Variants in CERS5 observed in about 807,000 individuals in gnomAD.
CERS5 encodes LAG1 homolog, ceramide synthase 5.
A neutral mutation model predicts 58.9 loss-of-function variants in CERS5; 37 were observed. The observed-to-expected ratio is 0.63, with a 90% confidence interval of 0.48 to 0.83. CERS5 has a LOEUF of 0.83. Among genes scored for constraint, CERS5 ranks in the 40% least tolerant of loss-of-function variants. CERS5 has a pLI of 0.00. For synonymous variants in CERS5, 147 were observed against 177.8 expected, an observed-to-expected ratio of 0.83 and a Z score of 1.38; for missense variants, 398 against 489.3, an observed-to-expected ratio of 0.81 and a Z score of 1.76.
Position 50,167,148 on chromosome 12 carries a change from CACCGAGAGGATGTGCCGGCCGCGGGGGTA to C in CERS5, c.121_149del (p.Tyr41ValfsTer43). The C allele has an allele frequency of 6.3e-7, 1 of 1,591,400 alleles. No individual in the cohort carries two copies. Among genetic ancestry groups the C allele is most frequent in the Non-Finnish European group, 8.5e-7 (1 of 1,172,398 alleles). On this transcript the variant is annotated frameshift_variant, in exon 1 of 10. Coordinates refer to ENST00000317551, the MANE Select transcript of CERS5 (RefSeq NM_147190.5). LOFTEE classifies it high-confidence loss of function. ...AGAAGATGCCCGCCGCCAGCGGGAA[CACCGAGAGGATGTGCCGGCCGCGGGGGTA>C]ACCGTAGCCGTCGGCCGGCCCCTCC... is the stretch of plus-strand genomic sequence containing the variant.
intron 2 of CERS5, 83 bp from the exon 3 acceptor site, chr12:50,143,287 T>C (rs1952079857): frequency 1.3e-6 from 2 of 1,522,602 alleles, no homozygotes; most frequent in Non-Finnish European, 1.8e-6. Flanking sequence ...CGACAAGGTA[T>C]GATAGCCATA....
intron 1 of CERS5, among the ~76,000 whole-genome samples, chr12:50,150,262 G>T (rs1937809749): frequency 6.6e-6 from 1 of 152,226 alleles, no homozygotes; most frequent in African/African-American, 2.4e-5. Flanking sequence ...TGCGGAGGCT[G>T]AGGCAGGAGG....
At chr12:50,136,403 G>A (rs572676474) in intron 6 of CERS5, among the ~76,000 whole-genome samples, 2 of 152,108 alleles carry the variant, frequency 1.3e-5, no homozygotes, top group East Asian at 1.9e-4. Flanking sequence ...AACCTGGGAG[G>A]TAGAGGTTGC....
In CERS5 at chr12:50,140,284, A is replaced by ATTTTTTTTTTTTTTTTTTTTTT. The variant is rs57651378; in HGVS notation, c.493-1689_493-1668dup. Among the ~76,000 whole-genome samples the ATTTTTTTTTTTTTTTTTTTTTT allele has an allele frequency of 4.8e-4, 46 of 96,250 alleles. 3 individuals carry two copies. The highest frequency in any genetic ancestry group is 2.1e-3 in the African/African-American group (46 of 22,354). The allele number at this position is 96,250 out of a possible 152,430, so 63.1% of individuals were successfully genotyped here. On this transcript the variant is annotated intron_variant, in intron 4 of 9. Transcript: ENST00000317551. ...TTGAGAAGAGTTGTTTAACTTCCAA[A>ATTTTTTTTTTTTTTTTTTTTTT]TTTTTTTTTTTTTTTTTTTTTTTTT...
At chr12:50,153,976 A>G (rs1420271459) in intron 1 of CERS5, 16 of 307,630 alleles carry the variant, frequency 5.2e-5, no homozygotes, top group Non-Finnish European at 9.9e-5. Flanking sequence ...AACAAAACAC[A>G]ATGAACATAG....
intron 1 of CERS5, among the ~76,000 whole-genome samples, chr12:50,158,804 A>C (rs1175932714): frequency 6.6e-6 from 1 of 152,226 alleles, no homozygotes; most frequent in Non-Finnish European, 1.5e-5. Flanking sequence ...GACAATACCC[A>C]AAAACTAAAA....
chr12:50,167,341 C>T lies in CERS5; in HGVS notation c.-44G>A. On this transcript the variant is annotated 5_prime_UTR_variant, in exon 1 of 10. Coordinates refer to ENST00000317551, the MANE Select transcript of CERS5 (RefSeq NM_147190.5). Reference sequence around the variant, plus strand: ...CCACCGCCGCCACAAGCGTCAGCTGCCGCCACAGCCAACGGAACCCGCGGG... The same window carrying T: ...CCACCGCCGCCACAAGCGTCAGCTGTCGCCACAGCCAACGGAACCCGCGGG... The T allele has an allele frequency of 2.7e-6, 4 of 1,461,906 alleles. No homozygotes were observed. The highest frequency in any genetic ancestry group is 2.0e-4 in the Middle Eastern group (1 of 4,892). The allele number at this position is 1,461,906 out of a possible 1,614,324, so 90.6% of individuals were successfully genotyped here.
At chr12:50,136,113 C>G (rs1200974505) in intron 6 of CERS5, 44 bp from the exon 7 acceptor site, 2 of 1,455,286 alleles carry the variant, frequency 1.4e-6, no homozygotes, top group Non-Finnish European at 1.8e-6. Context: ...AAGCTGGGCC[C>G]TAGAAACACC....
At chr12:50,163,235 G>C (rs918322077) in intron 1 of CERS5, among the ~76,000 whole-genome samples, 10 of 150,282 alleles carry the variant, frequency 6.7e-5, no homozygotes, top group Admixed American at 6.6e-4. Context: ...GTGTCGCTCT[G>C]TTGCCCAGGC....
rs1951262528 is a variant in CERS5, at chr12:50,130,584, C to T, written c.1140G>A (p.Val380=). ...AGTAGCTGCCTCCCATGTGACCATT[C>T]ACCCGATTGGCACCATTGCTGGAGC... is the stretch of plus-strand genomic sequence containing the variant. ...DSSSSNGANR[V]NGHMGGSYWA... is the part of the protein sequence containing the mutation. Residue 380 remains valine (V), a synonymous_variant, in exon 10 of 10, where the codon GTG becomes GTA. Coordinates refer to ENST00000317551, the MANE Select transcript of CERS5 (RefSeq NM_147190.5). 6.2e-7 allele frequency: 1 copy of T among 1,612,166 alleles called. No homozygotes were observed. The highest frequency in any genetic ancestry group is 1.3e-5 in the African/African-American group (1 of 74,926).
chr12:50,137,225 G>A (rs1951737910), intron 6 of CERS5, among the ~76,000 whole-genome samples: 2 of 152,050 alleles, frequency 1.3e-5, no homozygotes, highest in South Asian at 4.2e-4. Context: ...TCACTATCTG[G>A]GCAAGTCAGC....
intron 1 of CERS5, among the ~76,000 whole-genome samples, chr12:50,146,727 A>G (rs975672648): frequency 2.0e-5 from 3 of 151,938 alleles, no homozygotes; most frequent in East Asian, 1.9e-4. Context: ...GGCGCCTGTA[A>G]TCCCAGCTAC....
chr12:50,167,024 C>T (rs1021006017), intron 1 of CERS5, 77 bp downstream of exon 1: 2 of 1,172,352 alleles, frequency 1.7e-6, no homozygotes, highest in Non-Finnish European at 2.3e-6. Flanking sequence ...GTTCTGCTTC[C>T]GGCCCTCGGC....
At position 50,143,219 on chromosome 12, in the gene CERS5, C is replaced by A. The variant is rs1302079961; in HGVS notation, c.304-15G>T. On this transcript the variant is annotated splice_polypyrimidine_tract_variant and intron_variant, in intron 2 of 9. Coordinates refer to ENST00000317551, the MANE Select transcript of CERS5 (RefSeq NM_147190.5). ...TTATCAGGATACTGTGAATGTATAACCAGAGTCAGAACACCCGTCTCCTCA... is the reference window on the plus strand; with the variant it reads ...TTATCAGGATACTGTGAATGTATAAACAGAGTCAGAACACCCGTCTCCTCA... 2 of 1,613,766 alleles carry A rather than the reference C, an allele frequency of 1.2e-6. No homozygotes were observed. Among genetic ancestry groups the A allele is most frequent in the Non-Finnish European group, 1.7e-6 (2 of 1,179,860 alleles).
In CERS5 at chr12:50,167,090, C is replaced by T; in HGVS notation, c.197+11G>A. 6.6e-7 allele frequency: 1 copy of T among 1,525,192 alleles called. No homozygotes were observed. 94.5% of individuals were successfully genotyped at this position (1,525,192 alleles called of 1,614,324 possible). On this transcript the variant is annotated intron_variant, in intron 1 of 9. Coordinates refer to ENST00000317551, the MANE Select transcript of CERS5 (RefSeq NM_147190.5). The stretch of plus-strand genomic sequence containing the variant: ...GCCCGGCCCCCGAGCCGCTCGCTCC[C>T]GGGCTCTCACCGCTCGAAGAGCAGC...
chr12:50,133,267 A>T (rs1272785789), intron 9 of CERS5: 1 of 1,108,588 alleles, frequency 9.0e-7, no homozygotes, highest in Non-Finnish European at 1.1e-6. Flanking sequence ...GGGATTCTGT[A>T]TTCCTTTAGG....
At chr12:50,135,538 A>C (rs779678952) in intron 8 of CERS5, 194 bp downstream of exon 8, 13 of 705,190 alleles carry the variant, frequency 1.8e-5, no homozygotes, top group Non-Finnish European at 2.6e-6. Flanking sequence ...ATACGGTCTG[A>C]GGCAGCAGAG....
rs774250866 is a variant in CERS5, at chr12:50,143,029, T to C, written c.434+45A>G. The C allele has an allele frequency of 1.5e-5, 24 of 1,552,570 alleles. No individual in the cohort carries two copies. In the Admixed American group the frequency reaches 3.2e-4, roughly 21 times the overall value. On this transcript the variant is annotated intron_variant, in intron 3 of 9. Coordinates refer to ENST00000317551, the MANE Select transcript of CERS5 (RefSeq NM_147190.5). The stretch of plus-strand genomic sequence containing the variant: ...AAACAGAAACTTCAGTCCAGTTGTA[T>C]CCCACCGTCTTCCTTATTCCCTCCC...
intron 4 of CERS5, among the ~76,000 whole-genome samples, chr12:50,139,197 G>A (rs1951840071): frequency 2.6e-5 from 4 of 152,136 alleles, no homozygotes; most frequent in Admixed American, 2.6e-4. Context: ...TTTTATCCAT[G>A]GCCAGGCACA....
Sources: allele counts gnomAD v4.1 joint callset (sites outside exome capture counted in the v4.1 genomes callset), GRCh38; gene constraint gnomAD v4.1.1; transcripts MANE v1.5; gene names NCBI Gene and HGNC (gene_info 2026-07-23, HGNC 2026-07-21).